The following DACH1 variants were observed in gnomAD, a reference collection of about 807,000 sequenced individuals.
The protein encoded by DACH1 is dachshund homolog 1.
Under a neutral mutation model 54.2 loss-of-function variants are expected in DACH1, and 12 were observed. The ratio of observed to expected loss-of-function variants is 0.22; its 90% CI spans 0.14 to 0.36. DACH1 has a LOEUF of 0.36. Ranked by LOEUF, DACH1 falls within the 10% of genes least tolerant of loss-of-function variation. The pLI, the probability that DACH1 is intolerant of heterozygous loss-of-function variation, is 1.00. For missense variants in DACH1, 805 were observed against 929.8 expected (o/e 0.87, Z 1.75); for synonymous variants, 386 against 366.2 (o/e 1.05, Z -0.62).
intron 8 of DACH1, among the ~76,000 whole-genome samples, chr13:71,477,104 A>ATAT (rs1566282945): frequency 4.6e-5 from 2 of 43,256 alleles, no homozygotes; most frequent in African/African-American, 1.7e-4. Flanking sequence ...ATATATATAT[A>ATAT]TTTTTTTTTT....
At chr13:71,783,799 A>G (rs1262375839) in intron 1 of DACH1, among the ~76,000 whole-genome samples, 1 of 151,976 alleles carries the variant, frequency 6.6e-6, no homozygotes, top group Non-Finnish European at 1.5e-5. Flanking sequence ...ATGAATGGAA[A>G]AAAACATAAA....
chr13:71,608,059 G>GTA (rs143952432), intron 3 of DACH1, among the ~76,000 whole-genome samples: 1,695 of 147,336 alleles, frequency 0.012, 8 homozygotes, highest in Middle Eastern at 0.021. Context: ...ATTACAATGT[G>GTA]TATATATATA....
chr13:71,794,006 G>A (rs1210040515), intron 1 of DACH1, among the ~76,000 whole-genome samples: 1 of 151,906 alleles, frequency 6.6e-6, no homozygotes, highest in Non-Finnish European at 1.5e-5. Context: ...CTTTATAAGG[G>A]GCAGGCATTT....
At chr13:71,718,342 T>C (rs555851283) in intron 1 of DACH1, among the ~76,000 whole-genome samples, 3 of 152,160 alleles carry the variant, frequency 2.0e-5, no homozygotes, top group Non-Finnish European at 4.4e-5. Context: ...CCCAGAACTT[T>C]GGGAGGCCCA....
intron 1 of DACH1, among the ~76,000 whole-genome samples, chr13:71,816,689 CACATATATATATAT>C (rs1566519585): frequency 2.1e-5 from 3 of 142,604 alleles, no homozygotes; most frequent in East Asian, 2.0e-4. Context: ...TATATATATA[CACATATATATATAT>C]ACACACACCA....
At chr13:71,694,864 A>G (rs1290520802) in intron 1 of DACH1, among the ~76,000 whole-genome samples, 1 of 152,234 alleles carries the variant, frequency 6.6e-6, no homozygotes, top group Non-Finnish European at 1.5e-5. Context: ...TGTATGAACT[A>G]GAATTCTTTT....
rs529326096 is a variant in DACH1, at chr13:71,438,749, G to C, written c.*1906C>G. The C allele has an allele frequency of 6.6e-6, 1 of 152,464 alleles. No homozygotes were observed. The highest frequency in any genetic ancestry group is 2.1e-4 in the South Asian group (1 of 4,820). 9.4% of individuals were successfully genotyped at this position (152,464 alleles called of 1,614,324 possible). On this transcript the variant is annotated 3_prime_UTR_variant, in exon 11 of 11. Coordinates refer to ENST00000613252, the MANE Select transcript of DACH1 (RefSeq NM_080759.6). ...ATTTTAAGTGTTGTAATCCTTTAAA[G>C]ACTGCATATAGGGAAACAAACACAT...
intron 3 of DACH1, among the ~76,000 whole-genome samples, chr13:71,577,247 T>C (rs545528488): frequency 6.6e-6 from 1 of 152,196 alleles, no homozygotes; most frequent in South Asian, 2.1e-4. Flanking sequence ...CTGCTCCCAA[T>C]CAGCAGTTCA....
At chr13:71,827,976 T>C (rs534414118) in intron 1 of DACH1, among the ~76,000 whole-genome samples, 1 of 152,048 alleles carries the variant, frequency 6.6e-6, no homozygotes, top group South Asian at 2.1e-4. Flanking sequence ...TTACCTGAGG[T>C]TATCTGTAAA....
At chr13:71,693,290 G>A (rs1312217000) in intron 1 of DACH1, among the ~76,000 whole-genome samples, 1 of 102,360 alleles carries the variant, frequency 9.8e-6, no homozygotes, top group Non-Finnish European at 1.9e-5. Flanking sequence ...TTATCCATTT[G>A]TTTTGCTTTT....
chr13:71,636,894 T>TA (rs1189041464), intron 2 of DACH1, among the ~76,000 whole-genome samples: 2 of 152,218 alleles, frequency 1.3e-5, no homozygotes, highest in Non-Finnish European at 2.9e-5. Context: ...GATGCAAACT[T>TA]ATGCTTGCTT....
At chr13:71,633,638 G>A (rs892958259) in intron 2 of DACH1, among the ~76,000 whole-genome samples, 3 of 151,608 alleles carry the variant, frequency 2.0e-5, no homozygotes, top group Non-Finnish European at 4.4e-5. Context: ...ACTTTTACAT[G>A]CTGTAACTTA....
intron 1 of DACH1, among the ~76,000 whole-genome samples, chr13:71,807,158 TATC>T (rs1165504692): frequency 1.3e-5 from 2 of 152,154 alleles, no homozygotes; most frequent in Non-Finnish European, 2.9e-5. Context: ...AGCATCCTCA[TATC>T]AGCACAAGTA....
Position 71,738,435 on chromosome 13 carries a change from A to T in DACH1, c.849-56525T>A, listed in dbSNP as rs182778554. Among the ~76,000 whole-genome samples, 62 of 152,298 alleles carry T rather than the reference A, an allele frequency of 4.1e-4. 1 individual carries two copies. The East Asian group carries it at 8.7e-3, about 21-fold the overall frequency. ...ATGGAAACAAGCAAAATGAAAATTT[A>T]AAAGACAGAAAACTGTCTGCGTGAG... On this transcript the variant is annotated intron_variant, in intron 1 of 10. Coordinates refer to ENST00000613252, the MANE Select transcript of DACH1 (RefSeq NM_080759.6).
intron 1 of DACH1, among the ~76,000 whole-genome samples, chr13:71,791,204 G>C (rs1289525273): frequency 6.6e-6 from 1 of 152,146 alleles, no homozygotes; most frequent in African/African-American, 2.4e-5. Flanking sequence ...ACACCTAAAA[G>C]TGTGCCATGT....
intron 6 of DACH1, among the ~76,000 whole-genome samples, chr13:71,508,329 T>C (rs879414929): frequency 1.3e-5 from 2 of 152,180 alleles, no homozygotes; most frequent in Non-Finnish European, 2.9e-5. Flanking sequence ...TGGGCTTCTG[T>C]TCCCTCTCAT....
chr13:71,791,891 G>A (rs989822948), intron 1 of DACH1, among the ~76,000 whole-genome samples: 1 of 152,076 alleles, frequency 6.6e-6, no homozygotes, highest in African/African-American at 2.4e-5. Flanking sequence ...TCAAGTCTAG[G>A]TTGGTATTAT....
chr13:71,720,397 T>C (rs1883177854), intron 1 of DACH1, among the ~76,000 whole-genome samples: 1 of 152,192 alleles, frequency 6.6e-6, no homozygotes, highest in South Asian at 2.1e-4. Flanking sequence ...ATATTTTCTC[T>C]CTCAGAAATA....
At chr13:71,567,231 T>C (rs1428545869) in intron 4 of DACH1, among the ~76,000 whole-genome samples, 5 of 151,888 alleles carry the variant, frequency 3.3e-5, no homozygotes. Flanking sequence ...TTCAGAAAAC[T>C]GTAATGTGTC....
Sources: allele counts gnomAD v4.1 joint callset (sites outside exome capture counted in the v4.1 genomes callset), GRCh38; gene constraint gnomAD v4.1.1; transcripts MANE v1.5; gene names NCBI Gene and HGNC (gene_info 2026-07-23, HGNC 2026-07-21).